Variants in FGF14 observed in about 807,000 individuals in gnomAD.
FGF14 encodes fibroblast growth factor 14.
FGF14 carries 5 observed loss-of-function variants against 25.5 expected under a neutral mutation model. The observed-to-expected ratio is 0.20, with a 90% confidence interval of 0.10 to 0.41. The LOEUF is 0.41. FGF14 is among the 10% of genes least tolerant of loss of function. The pLI, the probability that FGF14 is intolerant of heterozygous loss-of-function variation, is 1.00. For missense variants in FGF14, 222 were observed against 320.1 expected (o/e 0.69, Z 2.34); for synonymous variants, 138 against 118.3 (o/e 1.17, Z -1.08).
At chr13:101,969,292 A>G (rs539218207) in intron 1 of FGF14, among the ~76,000 whole-genome samples, 48 of 152,274 alleles carry the variant, frequency 3.2e-4, no homozygotes, top group Middle Eastern at 6.8e-3. Flanking sequence ...GGCTGGGTGC[A>G]GTGGCTCACG....
chr13:102,146,787 T>G (rs2046873307), intron 1 of FGF14, among the ~76,000 whole-genome samples: 1 of 152,118 alleles, frequency 6.6e-6, no homozygotes. Context: ...AAATATACAT[T>G]TTTTCCAACC....
chr13:101,726,364 G>T (rs935096836), intron 4 of FGF14, among the ~76,000 whole-genome samples: 5 of 152,042 alleles, frequency 3.3e-5, no homozygotes, highest in Middle Eastern at 3.4e-3. Flanking sequence ...GAGGATTTGA[G>T]CCTTTGGAGG....
chr13:101,982,149 A>G (rs978894764), intron 1 of FGF14, among the ~76,000 whole-genome samples: 4 of 152,222 alleles, frequency 2.6e-5, no homozygotes, highest in African/African-American at 9.6e-5. Flanking sequence ...TGGTGGAACA[A>G]CAGGTATAAA....
intron 3 of FGF14, among the ~76,000 whole-genome samples, chr13:101,778,230 T>C (rs2039260391): frequency 6.6e-6 from 1 of 152,238 alleles, no homozygotes. Flanking sequence ...AGTTCAATTC[T>C]GTTGATCATT....
chr13:102,130,391 G>A (rs556303464), intron 1 of FGF14, among the ~76,000 whole-genome samples: 4 of 152,050 alleles, frequency 2.6e-5, no homozygotes, highest in South Asian at 4.2e-4. Flanking sequence ...ATCTTTGCCC[G>A]AAATGATGGG....
At chr13:102,158,993 GC>G (rs1357135797) in intron 1 of FGF14, among the ~76,000 whole-genome samples, 4 of 151,794 alleles carry the variant, frequency 2.6e-5, no homozygotes, top group Admixed American at 2.6e-4. Flanking sequence ...ACAAAAATTA[GC>G]CTGGTTATGG....
rs1006699051 is a variant in FGF14 at position 102,349,009 on chromosome 13, G to A, written c.208+52462C>T. Among the ~76,000 whole-genome samples, 13 of 152,076 alleles carry A rather than the reference G, an allele frequency of 8.5e-5. 1 individual carries two copies. The highest frequency in any genetic ancestry group is 7.9e-4 in the Admixed American group (12 of 15,266). ...CTCCACTCTGGCCATTTTGCCCCTCGAGAACATATCACAAAGTGGGAGACC... is the reference window on the plus strand; with the variant it reads ...CTCCACTCTGGCCATTTTGCCCCTCAAGAACATATCACAAAGTGGGAGACC... On this transcript the variant is annotated intron_variant, in intron 1 of 4. Transcript: ENST00000376131.
chr13:101,965,675 GTT>G (rs201323636), intron 1 of FGF14, among the ~76,000 whole-genome samples: 1 of 143,630 alleles, frequency 7.0e-6, no homozygotes, highest in African/African-American at 2.5e-5. Flanking sequence ...TTTTGTGTTA[GTT>G]TTTTTTTTTT....
chr13:101,886,140 T>A (rs1233455037), intron 1 of FGF14, among the ~76,000 whole-genome samples: 5 of 152,124 alleles, frequency 3.3e-5, no homozygotes, highest in Non-Finnish European at 7.4e-5. Flanking sequence ...TCAGGTTGGA[T>A]TATATGGAAA....
chr13:101,783,037 C>T (rs935193230), intron 3 of FGF14, among the ~76,000 whole-genome samples: 6 of 152,138 alleles, frequency 3.9e-5, no homozygotes, highest in Non-Finnish European at 8.8e-5. Context: ...TTGCCAGCAT[C>T]TGTTATTTTT....
intron 1 of FGF14, among the ~76,000 whole-genome samples, chr13:101,925,046 G>T (rs1357036964): frequency 1.3e-5 from 2 of 152,114 alleles, no homozygotes; most frequent in African/African-American, 4.8e-5. Context: ...AGCTCTGTGA[G>T]CAAAGCAAGA....
chr13:101,772,727 G>C (rs1190702930), intron 3 of FGF14, among the ~76,000 whole-genome samples: 5 of 152,082 alleles, frequency 3.3e-5, no homozygotes, highest in Non-Finnish European at 7.4e-5. Flanking sequence ...CAAGTTCAAA[G>C]ACTAAAATAA....
At chr13:101,888,687 A>G (rs1249080404) in intron 1 of FGF14, among the ~76,000 whole-genome samples, 2 of 152,208 alleles carry the variant, frequency 1.3e-5, no homozygotes, top group Admixed American at 6.6e-5. Context: ...GTGTTCATGC[A>G]GTTAAATAAA....
chr13:102,081,807 A>T (rs1048590363), intron 1 of FGF14, among the ~76,000 whole-genome samples: 13 of 152,190 alleles, frequency 8.5e-5, no homozygotes, highest in Admixed American at 7.9e-4. Flanking sequence ...AGGTAGTGTT[A>T]TGCAGACGTC....
chr13:102,167,181 T>C (rs12429665), intron 1 of FGF14, among the ~76,000 whole-genome samples: 1,642 of 151,690 alleles, frequency 0.011, 16 homozygotes, highest in Non-Finnish European at 0.017. Context: ...TTTGTAAAAA[T>C]ACAAAAATTT....
At chr13:101,879,706 G>A (rs1278344931) in intron 1 of FGF14, among the ~76,000 whole-genome samples, 4 of 151,974 alleles carry the variant, frequency 2.6e-5, no homozygotes, top group Non-Finnish European at 4.4e-5. Flanking sequence ...AGTACTAATT[G>A]GTTATCAGTA....
intron 1 of FGF14, among the ~76,000 whole-genome samples, chr13:101,900,377 A>G (rs933195407): frequency 6.6e-6 from 1 of 152,154 alleles, no homozygotes; most frequent in Non-Finnish European, 1.5e-5. Flanking sequence ...AAAATCAGCT[A>G]AGCCAAAAGT....
chr13:101,899,929 A>T (rs938642952), intron 1 of FGF14, among the ~76,000 whole-genome samples: 1 of 152,190 alleles, frequency 6.6e-6, no homozygotes. Flanking sequence ...CATACAGAGA[A>T]TATTGCACCT....
intron 4 of FGF14, among the ~76,000 whole-genome samples, chr13:101,725,417 T>C (rs1202617489): frequency 6.6e-6 from 1 of 152,020 alleles, no homozygotes. Flanking sequence ...CCCTGGTAGC[T>C]AACTGTTTGG....
Sources: allele counts gnomAD v4.1 joint callset (sites outside exome capture counted in the v4.1 genomes callset), GRCh38; gene constraint gnomAD v4.1.1; transcripts MANE v1.5; gene names NCBI Gene and HGNC (gene_info 2026-07-23, HGNC 2026-07-21).